The following CDH12 variants were observed in gnomAD, a reference collection of about 807,000 sequenced individuals.
CDH12 encodes cadherin-12.
CDH12 carries 41 observed loss-of-function variants against 74.1 expected under a neutral mutation model. The observed-to-expected ratio is 0.55, with a 90% confidence interval of 0.43 to 0.72. CDH12 has a LOEUF of 0.72. Among genes scored for constraint, CDH12 ranks in the 30% least tolerant of loss-of-function variants. CDH12 has a pLI of 0.00. For missense variants in CDH12, 945 were observed against 977.2 expected, an observed-to-expected ratio of 0.97 and a Z score of 0.44; for synonymous variants, 399 against 355.0, an observed-to-expected ratio of 1.12 and a Z score of -1.39.
chr5:21,845,031 A>ATAGATAGATAGAT lies in CDH12; in HGVS notation c.647-2704_647-2703insATCTATCTATCTA, dbSNP rs148789214. ...GATAGATAGATAGATAGATAGATAG[A>ATAGATAGATAGAT]TAGATTAGATTAGATGAGATTGATA... On this transcript the variant is annotated intron_variant, in intron 7 of 14. Coordinates refer to ENST00000382254, the MANE Select transcript of CDH12 (RefSeq NM_004061.5). Among the ~76,000 whole-genome samples the ATAGATAGATAGAT allele has an allele frequency of 3.5e-3, 531 of 149,872 alleles. 3 individuals are homozygous for ATAGATAGATAGAT. The highest frequency in any genetic ancestry group is 0.012 in the African/African-American group (491 of 39,798).
At chr5:22,785,031 A>C (rs1747555004) in intron 1 of CDH12, among the ~76,000 whole-genome samples, 1 of 152,096 alleles carries the variant, frequency 6.6e-6, no homozygotes, top group Non-Finnish European at 1.5e-5. Context: ...TTAATATTTG[A>C]TTTTTGTGTA....
chr5:22,761,501 G>A (rs1326204737), intron 1 of CDH12, among the ~76,000 whole-genome samples: 2 of 152,008 alleles, frequency 1.3e-5, no homozygotes, highest in African/African-American at 4.8e-5. Context: ...AGTGCTACAG[G>A]CCCAAGATAT....
rs1740147162 is a variant in CDH12, at chr5:22,347,062, T to G, written c.-333+58195A>C. Among the ~76,000 whole-genome samples, 3 of 152,206 alleles carry G rather than the reference T, an allele frequency of 2.0e-5. No individual in the cohort carries two copies. In the South Asian group the frequency reaches 6.2e-4, roughly 31 times the overall value. On this transcript the variant is annotated intron_variant, in intron 3 of 14. Coordinates refer to ENST00000382254, the MANE Select transcript of CDH12 (RefSeq NM_004061.5). ...TGACGTTGGATATATTTCTAAAGGA[T>G]AAAAGTGATTGTTGCTATATAAGCC...
intron 2 of CDH12, among the ~76,000 whole-genome samples, chr5:22,483,014 A>C (rs2126627352): frequency 6.6e-6 from 1 of 152,310 alleles, no homozygotes; most frequent in East Asian, 1.9e-4. Flanking sequence ...ACTTTTGGAA[A>C]GTATATAGGA....
At chr5:22,340,918 C>T (rs1254869533) in intron 3 of CDH12, among the ~76,000 whole-genome samples, 1 of 152,118 alleles carries the variant, frequency 6.6e-6, no homozygotes, top group Non-Finnish European at 1.5e-5. Flanking sequence ...CTGCTGTGTT[C>T]TTAGTAGTCA....
chr5:21,975,077 A>C lies in CDH12; in HGVS notation c.526+14T>G, dbSNP rs367597914. The stretch of plus-strand genomic sequence containing the variant: ...TCTCATTGTATCTCACAGAATTTTG[A>C]TTTGCCTACTCACCCACAGGAGACA... On this transcript the variant is annotated intron_variant, in intron 6 of 14. Coordinates refer to ENST00000382254, the MANE Select transcript of CDH12 (RefSeq NM_004061.5). The C allele has an allele frequency of 1.8e-5, 29 of 1,570,208 alleles. No homozygotes were observed. The African/African-American group carries it at 2.2e-4, about 12-fold the overall frequency.
intron 6 of CDH12, among the ~76,000 whole-genome samples, chr5:21,943,930 T>A (rs936924038): frequency 2.0e-5 from 3 of 152,118 alleles, no homozygotes; most frequent in Admixed American, 2.0e-4. Context: ...AATCTATCCC[T>A]GAACATCAGT....
At chr5:22,252,790 T>A (rs1561257037) in intron 3 of CDH12, among the ~76,000 whole-genome samples, 1 of 152,012 alleles carries the variant, frequency 6.6e-6, no homozygotes, top group Non-Finnish European at 1.5e-5. Context: ...TCTTCCGATC[T>A]ATGAAGCCTT....
intron 2 of CDH12, among the ~76,000 whole-genome samples, chr5:22,430,258 G>T (rs1744112672): frequency 6.6e-6 from 1 of 152,058 alleles, no homozygotes; most frequent in Non-Finnish European, 1.5e-5. Context: ...CAGAGATAAT[G>T]GGGATCATGT....
intron 3 of CDH12, among the ~76,000 whole-genome samples, chr5:22,274,148 A>C (rs563223797): frequency 6.6e-6 from 1 of 152,240 alleles, no homozygotes; most frequent in African/African-American, 2.4e-5. Context: ...ATAATACCTA[A>C]AAATTATTCA....
At chr5:22,746,944 A>G (rs1178095449) in intron 1 of CDH12, among the ~76,000 whole-genome samples, 1 of 152,218 alleles carries the variant, frequency 6.6e-6, no homozygotes, top group African/African-American at 2.4e-5. Flanking sequence ...TGTCATTGTT[A>G]GAAACTTAAT....
Position 22,028,064 on chromosome 5 carries a change from C to T in CDH12, c.231+50382G>A, listed in dbSNP as rs963346916. ...AACATCTTTATTTCTGCCTTCATTTCGTTATGTACCCAGTAGTCATTCAGG... is the reference window on the plus strand; with the variant it reads ...AACATCTTTATTTCTGCCTTCATTTTGTTATGTACCCAGTAGTCATTCAGG... On this transcript the variant is annotated intron_variant, in intron 5 of 14. Coordinates refer to ENST00000382254, the MANE Select transcript of CDH12 (RefSeq NM_004061.5). Among the ~76,000 whole-genome samples, 312 of 152,160 alleles carry T rather than the reference C, an allele frequency of 2.1e-3. 4 individuals are homozygous for T. Among genetic ancestry groups the T allele is most frequent in the African/African-American group, 6.9e-3 (287 of 41,510 alleles).
At chr5:22,329,420 T>C (rs1739255386) in intron 3 of CDH12, among the ~76,000 whole-genome samples, 1 of 152,192 alleles carries the variant, frequency 6.6e-6, no homozygotes, top group Non-Finnish European at 1.5e-5. Flanking sequence ...TGTTTGTTTC[T>C]AACCACTAGA....
Position 21,844,829 on chromosome 5 carries a change from A to T in CDH12, c.647-2501T>A, listed in dbSNP as rs188514949. Among the ~76,000 whole-genome samples the T allele has an allele frequency of 1.4e-4, 21 of 152,294 alleles. No individual in the cohort carries two copies. The East Asian group carries it at 3.9e-3, about 28-fold the overall frequency. ...TAGACAGATAGCTATAGAAATAGAT[A>T]GATGGATAGTGATATAGTGATAGAC... On this transcript the variant is annotated intron_variant, in intron 7 of 14. Transcript: ENST00000382254.
chr5:21,992,790 T>TA (rs2150136807), intron 5 of CDH12, among the ~76,000 whole-genome samples: 1 of 152,264 alleles, frequency 6.6e-6, no homozygotes, highest in African/African-American at 2.4e-5. Context: ...TTCAGTGTAT[T>TA]ATTTTACATC....
intron 3 of CDH12, among the ~76,000 whole-genome samples, chr5:22,353,760 A>AT (rs887621802): frequency 2.0e-5 from 3 of 151,856 alleles, no homozygotes; most frequent in African/African-American, 7.3e-5. Flanking sequence ...TCAATTTTTG[A>AT]TTTTTTTTAC....
intron 6 of CDH12, among the ~76,000 whole-genome samples, chr5:21,905,757 G>A (rs1217287105): frequency 6.6e-6 from 1 of 152,020 alleles, no homozygotes; most frequent in Non-Finnish European, 1.5e-5. Flanking sequence ...TATGTTTAAA[G>A]TATCTATTGT....
intron 1 of CDH12, among the ~76,000 whole-genome samples, chr5:22,780,113 C>A (rs1404341534): frequency 6.6e-6 from 1 of 152,148 alleles, no homozygotes; most frequent in Admixed American, 6.6e-5. Context: ...TAGCCAGGCA[C>A]AGTGGCTCGT....
chr5:22,295,177 C>A (rs1361110933), intron 3 of CDH12, among the ~76,000 whole-genome samples: 2 of 152,086 alleles, frequency 1.3e-5, no homozygotes, highest in African/African-American at 4.8e-5. Context: ...TGAGAAAAGT[C>A]TTCCTTGCCT....
Sources: allele counts gnomAD v4.1 joint callset (sites outside exome capture counted in the v4.1 genomes callset), GRCh38; gene constraint gnomAD v4.1.1; transcripts MANE v1.5; gene names NCBI Gene and HGNC (gene_info 2026-07-23, HGNC 2026-07-21).